TAS2R1: variants seen among roughly 807,000 people sequenced by gnomAD.
The protein encoded by TAS2R1 is taste receptor type 2 member 1.
For synonymous variants in TAS2R1, 141 were observed against 134.2 expected (o/e 1.05, Z -0.35); for missense variants, 370 against 353.4 (o/e 1.05, Z -0.38).
the TAS2R1 span, among the ~76,000 whole-genome samples, chr5:9,877,680 G>A: frequency 6.6e-6 from 1 of 152,194 alleles, no homozygotes; most frequent in Non-Finnish European, 1.5e-5. Context: ...TGACTCACAC[G>A]TGTTCTGAGC....
the TAS2R1 span, among the ~76,000 whole-genome samples, chr5:9,899,628 C>T: frequency 4.3e-5 from 5 of 115,056 alleles, no homozygotes; most frequent in African/African-American, 1.5e-4. Context: ...CAGAGCAAGA[C>T]TCTGTCTAAA....
the TAS2R1 span, among the ~76,000 whole-genome samples, chr5:9,804,968 A>C: frequency 3.0e-3 from 454 of 152,176 alleles, 3 homozygotes; most frequent in Non-Finnish European, 5.4e-3. Context: ...AGTTCATTGA[A>C]AAGATAAATA....
the TAS2R1 span, among the ~76,000 whole-genome samples, chr5:9,742,776 C>T: frequency 6.6e-6 from 1 of 152,126 alleles, no homozygotes; most frequent in African/African-American, 2.4e-5. Context: ...GGCTTGGCTG[C>T]ATCTAATTCA....
chr5:9,751,431 C>T, the TAS2R1 span, among the ~76,000 whole-genome samples: 1 of 151,986 alleles, frequency 6.6e-6, no homozygotes, highest in African/African-American at 2.4e-5. Context: ...AAAACTTTCC[C>T]AGTATAGAGA....
chr5:9,820,191 T>G, the TAS2R1 span, among the ~76,000 whole-genome samples: 1 of 152,092 alleles, frequency 6.6e-6, no homozygotes, highest in African/African-American at 2.4e-5. Context: ...GATCAGAAAC[T>G]TAAGCACATG....
At chr5:9,632,128 C>G (rs1444908932), upstream of TAS2R1, among the ~76,000 whole-genome samples, 1 of 152,066 alleles carries the variant, frequency 6.6e-6, no homozygotes, top group Non-Finnish European at 1.5e-5. Context: ...AATTCTAGAC[C>G]ACCAAAATAC....
At chr5:9,856,388 AG>A in the TAS2R1 span, among the ~76,000 whole-genome samples, 1 of 152,274 alleles carries the variant, frequency 6.6e-6, no homozygotes, top group African/African-American at 2.4e-5. Flanking sequence ...AAGCAAGGGG[AG>A]AAAAAAAAAG....
the TAS2R1 span, among the ~76,000 whole-genome samples, chr5:9,779,731 G>GA: frequency 6.2e-3 from 937 of 152,224 alleles, 10 homozygotes; most frequent in African/African-American, 0.022. Flanking sequence ...TAATAATAAT[G>GA]AAAAAGTCTG....
the TAS2R1 span, among the ~76,000 whole-genome samples, chr5:9,747,991 A>G: frequency 1.3e-5 from 2 of 152,090 alleles, no homozygotes; most frequent in Non-Finnish European, 2.9e-5. Flanking sequence ...ACATGTCTTC[A>G]CTGTAATGGG....
At chr5:9,791,203 T>C in the TAS2R1 span, among the ~76,000 whole-genome samples, 1 of 151,382 alleles carries the variant, frequency 6.6e-6, no homozygotes, top group African/African-American at 2.4e-5. Flanking sequence ...CACACACACA[T>C]ACACACACAC....
intron 1 of TAS2R1, among the ~76,000 whole-genome samples, chr5:9,696,737 G>A (rs893706338): frequency 6.6e-6 from 1 of 152,234 alleles, no homozygotes; most frequent in Admixed American, 6.5e-5. Context: ...CGCAAGGCCG[G>A]GTGTGGTGGC....
the TAS2R1 span, among the ~76,000 whole-genome samples, chr5:9,813,960 T>C: frequency 6.6e-6 from 1 of 152,210 alleles, no homozygotes; most frequent in Non-Finnish European, 1.5e-5. Flanking sequence ...TTAGGTTACC[T>C]TAGCTCCTCT....
the TAS2R1 span, among the ~76,000 whole-genome samples, chr5:9,746,420 A>G: frequency 6.6e-6 from 1 of 152,244 alleles, no homozygotes; most frequent in Non-Finnish European, 1.5e-5. Context: ...TACTGGATAT[A>G]TACCCAAAGG....
At chr5:9,678,194 C>T (rs1214077792) in intron 1 of TAS2R1, among the ~76,000 whole-genome samples, 1 of 152,132 alleles carries the variant, frequency 6.6e-6, no homozygotes, top group African/African-American at 2.4e-5. Flanking sequence ...CTCAACATCA[C>T]TGATCATTAG....
chr5:9,650,287 A>ATT (rs35395775), intron 2 of TAS2R1, among the ~76,000 whole-genome samples: 3 of 150,778 alleles, frequency 2.0e-5, no homozygotes, highest in Non-Finnish European at 4.4e-5. Context: ...AAATTAAAGA[A>ATT]TTTTTTTTTT....
intron 1 of TAS2R1, among the ~76,000 whole-genome samples, chr5:9,675,896 A>T (rs1238780192): frequency 6.6e-6 from 1 of 152,172 alleles, no homozygotes; most frequent in Non-Finnish European, 1.5e-5. Flanking sequence ...GTTATGTTGA[A>T]TTAAGTGGTA....
At chr5:9,879,630 T>A in the TAS2R1 span, among the ~76,000 whole-genome samples, 2 of 152,202 alleles carry the variant, frequency 1.3e-5, no homozygotes, top group East Asian at 3.8e-4. Flanking sequence ...TTTTAATTTT[T>A]ATAATAACCC....
chr5:9,878,891 T>C, the TAS2R1 span, among the ~76,000 whole-genome samples: 1 of 152,180 alleles, frequency 6.6e-6, no homozygotes, highest in Non-Finnish European at 1.5e-5. Context: ...ACAAGGGATG[T>C]TTTGTATGAG....
chr5:9,785,880 C>T, the TAS2R1 span, among the ~76,000 whole-genome samples: 1 of 152,204 alleles, frequency 6.6e-6, no homozygotes, highest in Non-Finnish European at 1.5e-5. Context: ...ATATGCTAGA[C>T]TTGGCTCTGG....
Sources: allele counts gnomAD v4.1 joint callset (sites outside exome capture counted in the v4.1 genomes callset), GRCh38; gene constraint gnomAD v4.1.1; transcripts MANE v1.5; gene names NCBI Gene and HGNC (gene_info 2026-07-23, HGNC 2026-07-21).